ATP2C2: variants seen among roughly 807,000 people sequenced by gnomAD.
ATP2C2 encodes calcium-transporting ATPase type 2C member 2.
Under a neutral mutation model 110.8 loss-of-function variants are expected in ATP2C2, and 171 were observed. That is an observed-to-expected ratio of 1.54 (90% CI 1.36 to 1.75). ATP2C2 has a LOEUF of 1.75. Among genes scored for constraint, ATP2C2 ranks in the 40% most tolerant of loss-of-function variants. The probability of loss-of-function intolerance (pLI) is 0.00; values close to 1 mark genes in which losing one functional copy is unlikely to be tolerated. For synonymous variants in ATP2C2, 804 were observed against 508.4 expected (o/e 1.58, Z -7.82); for missense variants, 1,963 against 1,235.0 (o/e 1.59, Z -8.84).
intron 2 of ATP2C2, among the ~76,000 whole-genome samples, chr16:84,402,928 G>A (rs552701933): frequency 4.6e-5 from 7 of 152,258 alleles, no homozygotes; most frequent in Admixed American, 2.0e-4. Context: ...TTTCCTAACC[G>A]GAAGACTTTT....
chr16:84,463,752 C>G lies in ATP2C2; in HGVS notation c.*20C>G. The G allele has an allele frequency of 6.3e-7, 1 of 1,584,082 alleles. No individual in the cohort carries two copies. Among genetic ancestry groups the G allele is most frequent in the African/African-American group, 1.3e-5 (1 of 74,272 alleles). On this transcript the variant is annotated 3_prime_UTR_variant, in exon 27 of 27. Transcript: ENST00000262429. Reference sequence around the variant, plus strand: ...GTGTAGTGGACCGCACTCCGCGGCACCTTCCCTAATCATCTCGATCTGGTT... The same window carrying G: ...GTGTAGTGGACCGCACTCCGCGGCAGCTTCCCTAATCATCTCGATCTGGTT...
At position 84,460,662 on chromosome 16, in the gene ATP2C2, T is replaced by A. The variant is rs1280846046; in HGVS notation, c.2342T>A (p.Val781Glu). The A allele has an allele frequency of 2.5e-6, 4 of 1,614,138 alleles. No homozygotes were observed. Residue 781 changes from valine (V) to glutamate (E), a missense_variant, in exon 24 of 27, where the codon GTA becomes GAA. Transcript: ENST00000262429. ...MDGPPAQSLG[V>E]EPVDKDAFRQ... Reference sequence around the variant, plus strand: ...TGTCTTGTTCGGAGCAGCTTGGGGGTAGAGCCCGTTGACAAAGACGCCTTC... The same window carrying A: ...TGTCTTGTTCGGAGCAGCTTGGGGGAAGAGCCCGTTGACAAAGACGCCTTC...
intron 2 of ATP2C2, chr16:84,404,656 T>C: frequency 3.1e-6 from 1 of 325,970 alleles, no homozygotes. Flanking sequence ...GCTACGAACA[T>C]GGTTGTACAA....
Position 84,460,759 on chromosome 16 carries a change from G to T in ATP2C2, c.2439G>T (p.Ala813=). 1 of 1,614,016 alleles carries T rather than the reference G, an allele frequency of 6.2e-7. No homozygotes were observed. Among genetic ancestry groups the T allele is most frequent in the Non-Finnish European group, 8.5e-7 (1 of 1,179,934 alleles). The part of the protein sequence containing the change: ...RALILKILMS[A]AIIISGTLFI... ...TCATCCTGAAGATCCTCATGTCCGC[G>T]GCCATCATCATCAGCGGGACCCTCT... Residue 813 remains alanine, a synonymous_variant, in exon 24 of 27, where the codon GCG becomes GCT. Coordinates refer to ENST00000262429, the MANE Select transcript of ATP2C2 (RefSeq NM_014861.4).
intron 1 of ATP2C2, among the ~76,000 whole-genome samples, chr16:84,377,159 G>C (rs1445985720): frequency 6.6e-6 from 1 of 152,080 alleles, no homozygotes; most frequent in Non-Finnish European, 1.5e-5. Context: ...CGTGTGCTAA[G>C]TCTTAGTAGT....
intron 11 of ATP2C2, among the ~76,000 whole-genome samples, chr16:84,437,493 G>C (rs1908849660): frequency 6.6e-6 from 1 of 152,062 alleles, no homozygotes; most frequent in African/African-American, 2.4e-5. Context: ...TTATAGGTGT[G>C]AGCTACTGTG....
intron 7 of ATP2C2, among the ~76,000 whole-genome samples, chr16:84,417,616 G>T (rs1906955383): frequency 6.6e-6 from 1 of 152,180 alleles, no homozygotes; most frequent in African/African-American, 2.4e-5. Context: ...CTGTGGCTGG[G>T]CACAGTGGCT....
At chr16:84,385,043 T>G (rs1257475179) in intron 1 of ATP2C2, among the ~76,000 whole-genome samples, 3 of 152,268 alleles carry the variant, frequency 2.0e-5, no homozygotes, top group Admixed American at 6.5e-5. Flanking sequence ...AGTGAGACTC[T>G]GTCTCAAAAA....
At position 84,409,324 on chromosome 16, in the gene ATP2C2, T is replaced by C. The variant is rs550380830; in HGVS notation, c.417+830T>C. ...TAGGGTCAGGGGGCTGGGGGAGGGA[T>C]AGCATTAGGAGAAATACCTAATGTA... is the stretch of plus-strand genomic sequence containing the variant. On this transcript the variant is annotated intron_variant, in intron 4 of 26. Coordinates refer to ENST00000262429, the MANE Select transcript of ATP2C2 (RefSeq NM_014861.4). 2.0e-5 allele frequency among the ~76,000 whole-genome samples: 3 copies of C among 152,210 alleles called. No homozygotes were observed. The South Asian group carries it at 6.2e-4, about 32-fold the overall frequency.
At chr16:84,463,536 C>T (rs779211568) in intron 26 of ATP2C2, 78 bp from the exon 27 acceptor site, 2 of 1,214,574 alleles carry the variant, frequency 1.6e-6, no homozygotes, top group East Asian at 4.7e-5. Flanking sequence ...ATCAGGAGGA[C>T]TGGCAGGGAA....
At chr16:84,448,092 T>C (rs1484821898) in intron 16 of ATP2C2, among the ~76,000 whole-genome samples, 1 of 152,088 alleles carries the variant, frequency 6.6e-6, no homozygotes, top group Non-Finnish European at 1.5e-5. Flanking sequence ...CAGCTACTCA[T>C]GTGGCTTCAC....
chr16:84,441,355 C>G (rs749840130), intron 14 of ATP2C2, among the ~76,000 whole-genome samples: 5 of 152,176 alleles, frequency 3.3e-5, no homozygotes, highest in Non-Finnish European at 4.4e-5. Flanking sequence ...TAAGGAGACT[C>G]CTGCCCAGAG....
intron 20 of ATP2C2, among the ~76,000 whole-genome samples, chr16:84,453,769 T>C (rs72806638): frequency 0.12 from 17,532 of 152,056 alleles, 1,174 homozygotes; most frequent in Non-Finnish European, 0.14. Flanking sequence ...CTTTGCTACA[T>C]ACAGTGAAAA....
chr16:84,408,641 A>C, intron 4 of ATP2C2, 147 bp downstream of exon 4: 3 of 641,566 alleles, frequency 4.7e-6, no homozygotes, highest in Non-Finnish European at 5.3e-6. Flanking sequence ...GCAAATCCAC[A>C]TCCTTCTTTA....
At chr16:84,454,008 T>C (rs962689956) in intron 20 of ATP2C2, among the ~76,000 whole-genome samples, 4 of 152,098 alleles carry the variant, frequency 2.6e-5, no homozygotes, top group Non-Finnish European at 5.9e-5. Context: ...ACCCGGCTAA[T>C]GTTTGTAATT....
At chr16:84,430,227 G>A (rs1459768504) in intron 11 of ATP2C2, among the ~76,000 whole-genome samples, 1 of 152,158 alleles carries the variant, frequency 6.6e-6, no homozygotes, top group Non-Finnish European at 1.5e-5. Context: ...GGGAGAAGGG[G>A]GTGGATGGAC....
chr16:84,412,933 TA>T (rs1294084108), intron 6 of ATP2C2, among the ~76,000 whole-genome samples: 3 of 117,876 alleles, frequency 2.5e-5, no homozygotes, highest in Non-Finnish European at 6.3e-5. Context: ...CTGTCTCTAC[TA>T]AAAATTAAAA....
intron 13 of ATP2C2, among the ~76,000 whole-genome samples, chr16:84,440,552 A>T (rs996937766): frequency 1.3e-5 from 2 of 152,204 alleles, no homozygotes; most frequent in Non-Finnish European, 2.9e-5. Flanking sequence ...ACGTTTACCC[A>T]GCGCTGTTCT....
intron 14 of ATP2C2, among the ~76,000 whole-genome samples, chr16:84,441,329 C>G (rs1909235936): frequency 6.6e-6 from 1 of 152,146 alleles, no homozygotes; most frequent in Non-Finnish European, 1.5e-5. Context: ...CTCATCACTG[C>G]CCACTGGGAA....
Sources: gnomAD v4.1 joint callset for allele counts (sites outside exome capture counted in the v4.1 genomes callset) on GRCh38, gnomAD v4.1.1 for gene constraint, MANE v1.5 for transcripts, NCBI Gene and HGNC (gene_info 2026-07-23, HGNC 2026-07-21) for gene names.